The following GPR158 variants were observed in gnomAD, a reference collection of about 807,000 sequenced individuals.
GPR158 encodes G protein-coupled receptor 158.
GPR158 carries 30 observed loss-of-function variants against 78.2 expected under a neutral mutation model. That is an observed-to-expected ratio of 0.38 (90% CI 0.29 to 0.52). The LOEUF (loss-of-function observed/expected upper bound fraction) is 0.52. Ranked by LOEUF, GPR158 falls within the 20% of genes least tolerant of loss-of-function variation. The probability of loss-of-function intolerance (pLI) is 0.83; values close to 1 mark genes in which losing one functional copy is unlikely to be tolerated. For synonymous variants in GPR158, 581 were observed against 591.1 expected (o/e 0.98, Z 0.25); for missense variants, 1,463 against 1,523.5 (o/e 0.96, Z 0.66).
chr10:25,557,625 A>G (rs904052845), intron 6 of GPR158, among the ~76,000 whole-genome samples: 1 of 152,198 alleles, frequency 6.6e-6, no homozygotes, highest in Non-Finnish European at 1.5e-5. Context: ...CTGGGTTGGT[A>G]TATACATTTA....
chr10:25,535,146 A>G (rs1350883840), intron 5 of GPR158, among the ~76,000 whole-genome samples: 4 of 152,192 alleles, frequency 2.6e-5, no homozygotes, highest in African/African-American at 9.7e-5. Flanking sequence ...AGCATTTCTG[A>G]TGATATAAAA....
intron 1 of GPR158, among the ~76,000 whole-genome samples, chr10:25,219,673 G>A (rs1355733927): frequency 1.3e-5 from 2 of 152,112 alleles, no homozygotes; most frequent in African/African-American, 4.8e-5. Context: ...TTTTCTCACA[G>A]GTTAAAGAAC....
At chr10:25,526,115 A>G (rs1004277021) in intron 5 of GPR158, among the ~76,000 whole-genome samples, 9 of 150,790 alleles carry the variant, frequency 6.0e-5, no homozygotes, top group African/African-American at 1.7e-4. Flanking sequence ...AAAAAAAAAA[A>G]AAAAAAAAAA....
intron 2 of GPR158, among the ~76,000 whole-genome samples, chr10:25,279,840 G>A (rs1854242038): frequency 6.6e-6 from 1 of 151,792 alleles, no homozygotes; most frequent in African/African-American, 2.4e-5. Flanking sequence ...TTTAATTCCT[G>A]TTCCAACACA....
At chr10:25,236,039 C>T (rs2130700591) in intron 2 of GPR158, among the ~76,000 whole-genome samples, 1 of 152,176 alleles carries the variant, frequency 6.6e-6, no homozygotes, top group African/African-American at 2.4e-5. Context: ...CTCCATAGCA[C>T]TTTGTATGCT....
At chr10:25,237,656 T>C (rs1003977834) in intron 2 of GPR158, among the ~76,000 whole-genome samples, 2 of 152,148 alleles carry the variant, frequency 1.3e-5, no homozygotes, top group African/African-American at 4.8e-5. Flanking sequence ...TTGTCATTTA[T>C]CTAGATTTGA....
intron 5 of GPR158, among the ~76,000 whole-genome samples, chr10:25,488,865 C>T (rs1285341156): frequency 1.3e-5 from 2 of 151,612 alleles, no homozygotes; most frequent in East Asian, 1.9e-4. Context: ...TTCAGTGGCT[C>T]AAAAACCTTT....
chr10:25,425,173 GTC>G (rs1834802894), intron 4 of GPR158, among the ~76,000 whole-genome samples: 3 of 151,930 alleles, frequency 2.0e-5, no homozygotes, highest in Non-Finnish European at 4.4e-5. Context: ...TGATTTGGCT[GTC>G]TGTTTGTCTG....
intron 4 of GPR158, among the ~76,000 whole-genome samples, chr10:25,421,957 C>T (rs1403120592): frequency 3.3e-5 from 5 of 152,118 alleles, no homozygotes; most frequent in Non-Finnish European, 7.4e-5. Flanking sequence ...TGTATAATTG[C>T]TCACTATTGG....
At chr10:25,389,500 A>G (rs1334759495) in intron 2 of GPR158, among the ~76,000 whole-genome samples, 1 of 152,178 alleles carries the variant, frequency 6.6e-6, no homozygotes. Flanking sequence ...TCCCCACTGC[A>G]GATCTCCTCT....
intron 4 of GPR158, among the ~76,000 whole-genome samples, chr10:25,423,205 A>G (rs1261548552): frequency 6.6e-6 from 1 of 151,372 alleles, no homozygotes; most frequent in Non-Finnish European, 1.5e-5. Flanking sequence ...ACACACACAC[A>G]CCACATTTTC....
chr10:25,202,760 G>A (rs907444485), intron 1 of GPR158, among the ~76,000 whole-genome samples: 1 of 152,144 alleles, frequency 6.6e-6, no homozygotes, highest in African/African-American at 2.4e-5. Flanking sequence ...AATCCTTTGG[G>A]CATATACCCA....
intron 2 of GPR158, among the ~76,000 whole-genome samples, chr10:25,345,177 C>G (rs16925580): frequency 0.076 from 11,620 of 151,946 alleles, 982 homozygotes; most frequent in African/African-American, 0.21. Flanking sequence ...CTAATCCGTT[C>G]CCTCAATGGT....
intron 4 of GPR158, among the ~76,000 whole-genome samples, chr10:25,424,448 A>C (rs2130566051): frequency 6.6e-6 from 1 of 151,872 alleles, no homozygotes; most frequent in Middle Eastern, 3.4e-3. Flanking sequence ...TTAGACATGA[A>C]GTCCTTGCCC....
At chr10:25,497,047 G>A (rs1033132434) in intron 5 of GPR158, among the ~76,000 whole-genome samples, 2 of 152,168 alleles carry the variant, frequency 1.3e-5, no homozygotes, top group African/African-American at 2.4e-5. Context: ...AAGTATCCCA[G>A]TGAAGTAAAA....
chr10:25,535,776 T>C (rs7902586), intron 5 of GPR158, among the ~76,000 whole-genome samples: 10,211 of 152,272 alleles, frequency 0.067, 376 homozygotes, highest in Admixed American at 0.097. Context: ...CTAGTCTGCT[T>C]CTTTCCTCTT....
chr10:25,237,332 A>G (rs1163824942), intron 2 of GPR158, among the ~76,000 whole-genome samples: 1 of 152,170 alleles, frequency 6.6e-6, no homozygotes, highest in Non-Finnish European at 1.5e-5. Flanking sequence ...GTCTAACTTT[A>G]ATTTGTTTTA....
intron 5 of GPR158, among the ~76,000 whole-genome samples, chr10:25,492,781 A>C (rs916802919): frequency 7.2e-5 from 11 of 151,836 alleles, no homozygotes; most frequent in Admixed American, 2.6e-4. Context: ...ACAACAAGTG[A>C]TAAACAATTC....
chr10:25,224,992 T>G (rs2130687647), intron 2 of GPR158, among the ~76,000 whole-genome samples: 1 of 152,262 alleles, frequency 6.6e-6, no homozygotes, highest in Non-Finnish European at 1.5e-5. Flanking sequence ...CAAAAACCAC[T>G]TAACACTGAA....
Sources: allele counts gnomAD v4.1 joint callset (sites outside exome capture counted in the v4.1 genomes callset), GRCh38; gene constraint gnomAD v4.1.1; transcripts MANE v1.5; gene names NCBI Gene and HGNC (gene_info 2026-07-23, HGNC 2026-07-21).